The following ARID1B variants were observed in gnomAD, a reference collection of about 807,000 sequenced individuals.
The protein encoded by ARID1B is AT-rich interaction domain 1B.
ARID1B carries 30 observed loss-of-function variants against 212.3 expected under a neutral mutation model. That is an observed-to-expected ratio of 0.14 (90% CI 0.11 to 0.19). The LOEUF (loss-of-function observed/expected upper bound fraction) is 0.19, where lower values mean the gene tolerates loss of function less well. Among genes scored for constraint, ARID1B ranks in the 10% least tolerant of loss-of-function variants. ARID1B has a pLI of 1.00. For missense variants in ARID1B, 2,891 were observed against 3,204.0 expected (o/e 0.90, Z 2.36); for synonymous variants, 1,402 against 1,301.7 (o/e 1.08, Z -1.66).
intron 2 of ARID1B, among the ~76,000 whole-genome samples, chr6:156,835,242 A>C (rs1421587674): frequency 6.7e-6 from 1 of 149,468 alleles, no homozygotes; most frequent in East Asian, 1.9e-4. Flanking sequence ...TCTGTCACAA[A>C]AAAAAAAAAA....
At chr6:156,847,253 ACTAAGAATAAAC>A (rs1162590833) in intron 2 of ARID1B, among the ~76,000 whole-genome samples, 1 of 152,200 alleles carries the variant, frequency 6.6e-6, no homozygotes, top group African/African-American at 2.4e-5. Flanking sequence ...GAATTGGTAG[ACTAAGAATAAAC>A]CTAAGAATAA....
At chr6:156,791,887 C>G (rs190714509) in intron 1 of ARID1B, among the ~76,000 whole-genome samples, 37 of 152,282 alleles carry the variant, frequency 2.4e-4, no homozygotes, top group African/African-American at 8.9e-4. Context: ...CGTTTTGACT[C>G]TCCTCTTTCT....
At chr6:156,890,674 T>C (rs1406569278) in intron 2 of ARID1B, among the ~76,000 whole-genome samples, 2 of 152,228 alleles carry the variant, frequency 1.3e-5, no homozygotes, top group Non-Finnish European at 2.9e-5. Flanking sequence ...CATTCTGCAG[T>C]GTGGGACACT....
chr6:157,192,218 G>T (rs1023164427), intron 15 of ARID1B, among the ~76,000 whole-genome samples: 2 of 152,022 alleles, frequency 1.3e-5, no homozygotes, highest in African/African-American at 4.8e-5. Context: ...TAGTGCTTTT[G>T]GTGGCTTTAG....
chr6:156,838,337 T>C (rs1783651222), intron 2 of ARID1B, among the ~76,000 whole-genome samples: 1 of 152,176 alleles, frequency 6.6e-6, no homozygotes, highest in Non-Finnish European at 1.5e-5. Flanking sequence ...AAGTTTTACT[T>C]AATGGTCCTG....
chr6:156,905,810 T>C (rs1050742187), intron 3 of ARID1B, among the ~76,000 whole-genome samples: 8 of 152,226 alleles, frequency 5.3e-5, no homozygotes, highest in African/African-American at 1.9e-4. Flanking sequence ...TATTTTTTCC[T>C]ATAAACTTTT....
chr6:157,101,682 T>C (rs555874291), intron 5 of ARID1B, among the ~76,000 whole-genome samples: 2 of 152,310 alleles, frequency 1.3e-5, no homozygotes, highest in East Asian at 3.9e-4. Context: ...AAGCTATCTC[T>C]AATTTACCTG....
At chr6:156,908,993 T>G (rs7758256) in intron 3 of ARID1B, among the ~76,000 whole-genome samples, 1 of 151,866 alleles carries the variant, frequency 6.6e-6, no homozygotes. Context: ...TCTGCTGCCC[T>G]GTCTCATCTT....
intron 2 of ARID1B, among the ~76,000 whole-genome samples, chr6:156,853,779 C>T (rs1176764504): frequency 2.6e-5 from 4 of 152,234 alleles, no homozygotes; most frequent in South Asian, 2.1e-4. Flanking sequence ...TTCTGTTGCC[C>T]GGACTGGAGT....
At chr6:157,020,472 T>A (rs1041809608) in intron 4 of ARID1B, among the ~76,000 whole-genome samples, 6 of 152,208 alleles carry the variant, frequency 3.9e-5, no homozygotes, top group African/African-American at 4.8e-5. Flanking sequence ...TAATTTTTTT[T>A]AATTAACCCA....
At chr6:157,117,096 G>A (rs1314272592) in intron 6 of ARID1B, among the ~76,000 whole-genome samples, 1 of 152,150 alleles carries the variant, frequency 6.6e-6, no homozygotes, top group African/African-American at 2.4e-5. Flanking sequence ...TTTATCAGTA[G>A]CTACATTTTT....
chr6:157,055,262 T>C (rs139832695), intron 4 of ARID1B, among the ~76,000 whole-genome samples: 17 of 152,362 alleles, frequency 1.1e-4, no homozygotes, highest in Admixed American at 5.2e-4. Flanking sequence ...AGATCATTAA[T>C]TGGTTAACTA....
chr6:156,997,322 C>T (rs1484079928), intron 4 of ARID1B, among the ~76,000 whole-genome samples: 1 of 152,112 alleles, frequency 6.6e-6, no homozygotes, highest in Non-Finnish European at 1.5e-5. Flanking sequence ...GTGCAAAAAC[C>T]CTGCACTCTG....
At chr6:156,801,167 G>A (rs1005717604) in intron 1 of ARID1B, among the ~76,000 whole-genome samples, 1 of 151,224 alleles carries the variant, frequency 6.6e-6, no homozygotes, top group Non-Finnish European at 1.5e-5. Context: ...ATTTTGGATG[G>A]CTGTCAGTAG....
chr6:156,779,701 T>C (rs1178399963), intron 1 of ARID1B: 7 of 190,828 alleles, frequency 3.7e-5, no homozygotes, highest in East Asian at 3.5e-4. Flanking sequence ...CCGGGCCGGG[T>C]GGCTTCTACC....
chr6:156,967,740 A>T (rs554491451), intron 4 of ARID1B, among the ~76,000 whole-genome samples: 12 of 152,302 alleles, frequency 7.9e-5, no homozygotes, highest in African/African-American at 2.9e-4. Context: ...TGATCTTATT[A>T]ATGAGGTCAA....
At chr6:157,122,951 G>C (rs1787844390) in intron 6 of ARID1B, among the ~76,000 whole-genome samples, 1 of 152,118 alleles carries the variant, frequency 6.6e-6, no homozygotes, top group Admixed American at 6.6e-5. Context: ...CAAAGTACTG[G>C]GATTACAGGC....
intron 2 of ARID1B, among the ~76,000 whole-genome samples, chr6:156,869,640 G>GTAGA (rs1562447686): frequency 6.6e-6 from 1 of 152,184 alleles, no homozygotes; most frequent in African/African-American, 2.4e-5. Context: ...CACCCTTTTA[G>GTAGA]TAGACTTGCA....
intron 4 of ARID1B, among the ~76,000 whole-genome samples, chr6:156,998,884 T>C (rs1040609878): frequency 6.6e-6 from 1 of 152,198 alleles, no homozygotes; most frequent in Non-Finnish European, 1.5e-5. Context: ...CCTCCAATTA[T>C]GGTGGAACGC....
Sources: gnomAD v4.1 joint callset for allele counts (sites outside exome capture counted in the v4.1 genomes callset) on GRCh38, gnomAD v4.1.1 for gene constraint, MANE v1.5 for transcripts, NCBI Gene and HGNC (gene_info 2026-07-23, HGNC 2026-07-21) for gene names.